The following CPA4 variants were observed in gnomAD, a reference collection of about 807,000 sequenced individuals.
CPA4 encodes carboxypeptidase A3.
In CPA4, 49 loss-of-function variants were observed where a neutral mutation model predicts 54.7. That is an observed-to-expected ratio of 0.90 (90% confidence interval 0.71 to 1.14). CPA4 has a LOEUF of 1.14. Ranked by LOEUF, CPA4 falls within the 50% of genes most tolerant of loss-of-function variation. CPA4 has a pLI of 0.00. For missense variants in CPA4, 487 were observed against 525.1 expected, an observed-to-expected ratio of 0.93 and a Z score of 0.71; for synonymous variants, 215 against 206.8, an observed-to-expected ratio of 1.04 and a Z score of -0.34.
chr7:130,294,616 C>A (rs1793621292), intron 1 of CPA4, among the ~76,000 whole-genome samples: 1 of 152,204 alleles, frequency 6.6e-6, no homozygotes, highest in Admixed American at 6.5e-5. Flanking sequence ...ATGTGGTGGG[C>A]ACCTGGGCTG....
chr7:130,297,839 T>A (rs1207289354), intron 1 of CPA4, among the ~76,000 whole-genome samples: 1 of 152,050 alleles, frequency 6.6e-6, no homozygotes, highest in Non-Finnish European at 1.5e-5. Context: ...ATGGCTCCCA[T>A]CTCCCCCAGC....
chr7:130,315,424 T>A (rs1793973755), intron 10 of CPA4, among the ~76,000 whole-genome samples: 1 of 139,276 alleles, frequency 7.2e-6, no homozygotes, highest in Admixed American at 7.2e-5. Context: ...GAGTACTTGG[T>A]GAGGGTGTTT....
At chr7:130,321,509 CA>C (rs377000005) in intron 10 of CPA4, among the ~76,000 whole-genome samples, 2 of 152,294 alleles carry the variant, frequency 1.3e-5, no homozygotes, top group Non-Finnish European at 2.9e-5. Flanking sequence ...AGATGTCTTC[CA>C]GGGCCTCAGT....
chr7:130,296,679 CTTTTTTT>C (rs369325885), intron 1 of CPA4, among the ~76,000 whole-genome samples: 36 of 73,004 alleles, frequency 4.9e-4, no homozygotes, highest in East Asian at 3.0e-3. Context: ...GCTCCCCTCA[CTTTTTTT>C]TTTTTTTTTT....
At chr7:130,308,723 A>ATTTTTTTTTTTTTTTT (rs1554395843) in intron 8 of CPA4, among the ~76,000 whole-genome samples, 120 of 145,228 alleles carry the variant, frequency 8.3e-4, no homozygotes, top group African/African-American at 2.8e-3. Flanking sequence ...ACGCCCGGCT[A>ATTTTTTTTTTTTTTTT]TTTTTTTTCA....
chr7:130,300,930 T>A lies in CPA4; in HGVS notation c.384+16T>A. ...CCTGGAAGCTGTAAGTGTTTCAGAGTGGGTTAAGATCAAGGTTCTCTGCCT... is the reference window on the plus strand; with the variant it reads ...CCTGGAAGCTGTAAGTGTTTCAGAGAGGGTTAAGATCAAGGTTCTCTGCCT... On this transcript the variant is annotated intron_variant, in intron 4 of 10. Coordinates refer to ENST00000222482, the MANE Select transcript of CPA4 (RefSeq NM_016352.4). 1 of 1,545,198 alleles carries A rather than the reference T, an allele frequency of 6.5e-7. No individual in the cohort carries two copies. Among genetic ancestry groups the A allele is most frequent in the Non-Finnish European group, 8.9e-7 (1 of 1,117,574 alleles).
intron 4 of CPA4, among the ~76,000 whole-genome samples, chr7:130,302,950 C>T (rs1448851184): frequency 6.6e-6 from 1 of 152,168 alleles, no homozygotes; most frequent in Non-Finnish European, 1.5e-5. Context: ...TTAGTTCCTT[C>T]TTTGTTTCTG....
intron 8 of CPA4, among the ~76,000 whole-genome samples, chr7:130,309,528 G>A (rs1793879565): frequency 6.6e-6 from 1 of 152,208 alleles, no homozygotes; most frequent in Non-Finnish European, 1.5e-5. Flanking sequence ...CTGAGTGCCA[G>A]CGATTTAAAA....
At chr7:130,296,297 G>A (rs1233133637) in intron 1 of CPA4, among the ~76,000 whole-genome samples, 3 of 152,166 alleles carry the variant, frequency 2.0e-5, no homozygotes, top group African/African-American at 4.8e-5. Flanking sequence ...CTGCCCTGCC[G>A]CTTTGCATGC....
chr7:130,320,664 G>A (rs1794078632), intron 10 of CPA4, among the ~76,000 whole-genome samples: 1 of 152,156 alleles, frequency 6.6e-6, no homozygotes, highest in Admixed American at 6.6e-5. Flanking sequence ...AGGAGAGCCT[G>A]GGCTTTATTA....
chr7:130,296,905 C>T (rs192859526), intron 1 of CPA4, among the ~76,000 whole-genome samples: 143 of 151,570 alleles, frequency 9.4e-4, no homozygotes, highest in African/African-American at 3.3e-3. Context: ...GGCCCTTGTC[C>T]CCATCCAGGA....
At position 130,310,786 on chromosome 7, in the gene CPA4, G is replaced by A; in HGVS notation, c.794-1G>A. 6.2e-7 allele frequency: 1 copy of A among 1,613,876 alleles called. No homozygotes were observed. The highest frequency in any genetic ancestry group is 8.5e-7 in the Non-Finnish European group (1 of 1,179,744). On this transcript the variant is annotated splice_acceptor_variant, in intron 8 of 10. Transcript: ENST00000222482. LOFTEE classifies it high-confidence loss of function. The surrounding 1 kb of genome is among the most constrained non-coding windows in gnomAD (Gnocchi z 4.3). The stretch of plus-strand genomic sequence containing the variant: ...GTTTGTTCTTGGGCTATCCCCAACA[G>A]GAAAGGGAGCCAGCGACAACCCTTG...
In CPA4 at chr7:130,310,637, G is replaced by A. The variant is rs1284210433; in HGVS notation, c.794-150G>A. ...CTCCCTCTTCCATGCCTTCTCTGCA[G>A]TCCACACCCACCATGGACTAGGTGC... is the stretch of plus-strand genomic sequence containing the variant. On this transcript the variant is annotated intron_variant, in intron 8 of 10. Coordinates refer to ENST00000222482, the MANE Select transcript of CPA4 (RefSeq NM_016352.4). The surrounding 1 kb of genome is among the most constrained non-coding windows in gnomAD (Gnocchi z 4.3). 7.7e-5 allele frequency: 52 copies of A among 677,068 alleles called. No homozygotes were observed. In the South Asian group the frequency reaches 8.3e-4, roughly 11 times the overall value. The allele number at this position is 677,068 out of a possible 1,614,324, so 41.9% of individuals were successfully genotyped here.
intron 10 of CPA4, among the ~76,000 whole-genome samples, chr7:130,315,333 A>G (rs1321880518): frequency 6.6e-6 from 1 of 152,182 alleles, no homozygotes; most frequent in Non-Finnish European, 1.5e-5. Flanking sequence ...GGGGCTGAGC[A>G]TTGGAGGTTT....
intron 3 of CPA4, among the ~76,000 whole-genome samples, chr7:130,300,319 G>A (rs1035398963): frequency 2.7e-5 from 4 of 150,482 alleles, no homozygotes; most frequent in Admixed American, 6.7e-5. Flanking sequence ...TGTAAATTGG[G>A]CCCCAAGAAG....
rs113244210 is a variant in CPA4 at position 130,294,869 on chromosome 7, G to A, written c.68+1621G>A. On this transcript the variant is annotated intron_variant, in intron 1 of 10. Coordinates refer to ENST00000222482, the MANE Select transcript of CPA4 (RefSeq NM_016352.4). Reference sequence around the variant, plus strand: ...TTAGAGCAAGGGGAAGCTGGCCTCTGAGCATTCAAGTGGTTGGGAAGCCAG... The same window carrying A: ...TTAGAGCAAGGGGAAGCTGGCCTCTAAGCATTCAAGTGGTTGGGAAGCCAG... 5.0e-3 allele frequency among the ~76,000 whole-genome samples: 766 copies of A among 152,300 alleles called. 4 individuals are homozygous for A. The highest frequency in any genetic ancestry group is 0.018 in the African/African-American group (729 of 41,570).
At chr7:130,315,558 C>G (rs1180369212) in intron 10 of CPA4, among the ~76,000 whole-genome samples, 1 of 151,750 alleles carries the variant, frequency 6.6e-6, no homozygotes, top group African/African-American at 2.4e-5. Flanking sequence ...GAATTCAGGG[C>G]CATTATCAGA....
At chr7:130,299,125 T>C (rs779089902) in intron 2 of CPA4, 145 bp from the exon 3 acceptor site, 11 of 847,288 alleles carry the variant, frequency 1.3e-5, no homozygotes, top group Middle Eastern at 2.3e-4. Flanking sequence ...CCAGACACAA[T>C]TGTGAAATGG....
intron 4 of CPA4, 51 bp downstream of exon 4, chr7:130,300,965 T>G: frequency 8.5e-7 from 1 of 1,175,420 alleles, no homozygotes; most frequent in East Asian, 2.4e-5. Context: ...TCCTGAATTT[T>G]GTAACCTCTC....
Sources: allele counts gnomAD v4.1 joint callset (sites outside exome capture counted in the v4.1 genomes callset), GRCh38; gene constraint gnomAD v4.1.1; non-coding constraint Gnocchi (gnomAD v3.1); transcripts MANE v1.5; gene names NCBI Gene and HGNC (gene_info 2026-07-23, HGNC 2026-07-21).